The following GRIK4 variants were observed in gnomAD, a reference collection of about 807,000 sequenced individuals.
The protein encoded by GRIK4 is glutamate receptor ionotropic, kainate 4.
A neutral mutation model predicts 104.9 loss-of-function variants in GRIK4; 40 were observed. That is an observed-to-expected ratio of 0.38 (90% CI 0.30 to 0.50). The LOEUF (loss-of-function observed/expected upper bound fraction) is 0.50, where lower values mean the gene tolerates loss of function less well. Ranked by LOEUF, GRIK4 falls within the 20% of genes least tolerant of loss-of-function variation. The pLI, the probability that GRIK4 is intolerant of heterozygous loss-of-function variation, is 0.93. For synonymous variants in GRIK4, 485 were observed against 524.9 expected, an observed-to-expected ratio of 0.92 and a Z score of 1.04; for missense variants, 1,047 against 1,308.1, an observed-to-expected ratio of 0.80 and a Z score of 3.08.
At chr11:120,778,663 G>GAGAAA (rs1335999176) in intron 3 of GRIK4, among the ~76,000 whole-genome samples, 1 of 152,206 alleles carries the variant, frequency 6.6e-6, no homozygotes, top group Non-Finnish European at 1.5e-5. Flanking sequence ...TCTGGATGCT[G>GAGAAA]AGAAATGAAG....
At chr11:120,683,228 G>C (rs35407634) in intron 3 of GRIK4, among the ~76,000 whole-genome samples, 1 of 151,752 alleles carries the variant, frequency 6.6e-6, no homozygotes, top group Non-Finnish European at 1.5e-5. Context: ...GATGATGTTG[G>C]CTTGGAGGGT....
At chr11:120,545,867 C>T (rs1001319026) in intron 1 of GRIK4, among the ~76,000 whole-genome samples, 2 of 152,206 alleles carry the variant, frequency 1.3e-5, no homozygotes, top group African/African-American at 4.8e-5. Context: ...CTGAGAACTG[C>T]GGAGGCCTGT....
chr11:120,924,214 A>C (rs1323372360), intron 13 of GRIK4, among the ~76,000 whole-genome samples: 1 of 152,180 alleles, frequency 6.6e-6, no homozygotes, highest in Non-Finnish European at 1.5e-5. Context: ...CTTGAATTAG[A>C]AGCCACCCAG....
Position 120,558,967 on chromosome 11 carries a change from C to T in GRIK4, c.-159+47080C>T, listed in dbSNP as rs118114710. On this transcript the variant is annotated intron_variant, in intron 1 of 20. Transcript: ENST00000527524. ...CTCACCATGGTGATGCTGAAGGGCA[C>T]TCATATTTTTGCTGTGTTTATTCTT... Among the ~76,000 whole-genome samples the T allele has an allele frequency of 5.3e-5, 8 of 152,256 alleles. No homozygotes were observed. In the East Asian group the frequency reaches 1.5e-3, roughly 29 times the overall value.
chr11:120,757,967 T>C (rs931489844), intron 3 of GRIK4, among the ~76,000 whole-genome samples: 1 of 152,234 alleles, frequency 6.6e-6, no homozygotes, highest in Admixed American at 6.5e-5. Flanking sequence ...TAGAGACTGA[T>C]GTCCAAGCTT....
chr11:120,973,006 A>G (rs1591349089), intron 19 of GRIK4, among the ~76,000 whole-genome samples: 1 of 152,138 alleles, frequency 6.6e-6, no homozygotes, highest in Admixed American at 6.5e-5. Context: ...CCAGACACCT[A>G]TCCCCACCCC....
chr11:120,532,624 C>G lies in GRIK4; in HGVS notation c.-159+20737C>G, dbSNP rs3897568. On this transcript the variant is annotated intron_variant, in intron 1 of 20. Transcript: ENST00000527524. ...CTAGTGTGGACTCTTTCCCCTACCC[C>G]GCAAACCTTGGTTTCATTTCGCTGG... 4.9e-4 allele frequency among the ~76,000 whole-genome samples: 74 copies of G among 152,162 alleles called. 1 individual carries two copies. The highest frequency in any genetic ancestry group is 1.8e-3 in the Admixed American group (27 of 15,294).
intron 11 of GRIK4, among the ~76,000 whole-genome samples, chr11:120,887,749 C>T (rs1399949909): frequency 2.0e-5 from 3 of 152,134 alleles, no homozygotes; most frequent in Non-Finnish European, 2.9e-5. Flanking sequence ...AGGAGAGGGG[C>T]GTGAAACAAA....
chr11:120,895,851 C>A (rs1375591575), intron 11 of GRIK4, among the ~76,000 whole-genome samples: 1 of 152,196 alleles, frequency 6.6e-6, no homozygotes, highest in Non-Finnish European at 1.5e-5. Flanking sequence ...ATTACCCTTT[C>A]CCCATTCATT....
intron 3 of GRIK4, among the ~76,000 whole-genome samples, chr11:120,715,708 C>T (rs1368846433): frequency 6.6e-6 from 1 of 152,152 alleles, no homozygotes; most frequent in African/African-American, 2.4e-5. Context: ...AGAAAACGTC[C>T]CGTGTTTGCA....
chr11:120,741,891 A>T (rs575210512), intron 3 of GRIK4, among the ~76,000 whole-genome samples: 1 of 152,162 alleles, frequency 6.6e-6, no homozygotes, highest in Non-Finnish European at 1.5e-5. Flanking sequence ...CCCTGGGGGA[A>T]TTCTCTGGCT....
At chr11:120,660,233 C>T (rs907837577) in intron 2 of GRIK4, 36 bp from the exon 3 acceptor site, 2 of 917,998 alleles carry the variant, frequency 2.2e-6, no homozygotes, top group Non-Finnish European at 3.5e-6. Context: ...TAGCTGGAGC[C>T]TGGGACTCAC....
chr11:120,517,789 T>C (rs890152291), intron 1 of GRIK4, among the ~76,000 whole-genome samples: 1 of 151,948 alleles, frequency 6.6e-6, no homozygotes. Flanking sequence ...GGCCGGCCCC[T>C]AGCACAGAGG....
At chr11:120,545,452 C>T (rs529668820) in intron 1 of GRIK4, among the ~76,000 whole-genome samples, 33 of 152,264 alleles carry the variant, frequency 2.2e-4, no homozygotes, top group Admixed American at 9.8e-4. Flanking sequence ...CTATCAATAA[C>T]AATAGTAACT....
At chr11:120,569,672 G>T (rs894909692) in intron 1 of GRIK4, among the ~76,000 whole-genome samples, 16 of 152,184 alleles carry the variant, frequency 1.1e-4, no homozygotes, top group Non-Finnish European at 1.6e-4. Flanking sequence ...GAAGGGTAGG[G>T]TCATTAGCCA....
rs117547168 is a variant in GRIK4, at chr11:120,783,576, G to A, written c.83-19117G>A. On this transcript the variant is annotated intron_variant, in intron 3 of 20. Coordinates refer to ENST00000527524, the MANE Select transcript of GRIK4 (RefSeq NM_014619.5). Reference sequence around the variant, plus strand: ...GTCTCGGTTCTTAATTTTTAGAGTGGGTAATTGCGTGGGCTCCACTAAATG... The same window carrying A: ...GTCTCGGTTCTTAATTTTTAGAGTGAGTAATTGCGTGGGCTCCACTAAATG... Among the ~76,000 whole-genome samples the A allele has an allele frequency of 3.5e-3, 531 of 152,120 alleles. 1 individual carries two copies. Among genetic ancestry groups the A allele is most frequent in the Non-Finnish European group, 6.3e-3 (431 of 67,984 alleles).
intron 2 of GRIK4, 54 bp from the exon 3 acceptor site, chr11:120,660,215 C>A: frequency 1.3e-6 from 1 of 767,134 alleles, no homozygotes; most frequent in Non-Finnish European, 2.3e-6. Context: ...GATGGTGGGG[C>A]AGCTGCCTAG....
At chr11:120,803,198 C>G (rs1166562969) in intron 4 of GRIK4, among the ~76,000 whole-genome samples, 1 of 152,114 alleles carries the variant, frequency 6.6e-6, no homozygotes, top group Non-Finnish European at 1.5e-5. Flanking sequence ...GACGGCCAGC[C>G]CAAGGGTATC....
chr11:120,893,802 C>T (rs1225960521), intron 11 of GRIK4, among the ~76,000 whole-genome samples: 1 of 152,040 alleles, frequency 6.6e-6, no homozygotes, highest in African/African-American at 2.4e-5. Flanking sequence ...TTTTTCCCCC[C>T]AGGAGAGCCA....
Sources: allele counts gnomAD v4.1 joint callset (sites outside exome capture counted in the v4.1 genomes callset), GRCh38; gene constraint gnomAD v4.1.1; transcripts MANE v1.5; gene names NCBI Gene and HGNC (gene_info 2026-07-23, HGNC 2026-07-21).